Variants in SPAG6 observed in about 807,000 individuals in gnomAD.
SPAG6 encodes sperm associated antigen 6, also known as sperm-associated antigen 6.
SPAG6 carries 49 observed loss-of-function variants against 58.5 expected under a neutral mutation model. The observed-to-expected ratio is 0.84, with a 90% CI of 0.67 to 1.06. The LOEUF is 1.06. SPAG6 is among the 50% of genes least tolerant of loss of function. The pLI, the probability that SPAG6 is intolerant of heterozygous loss-of-function variation, is 0.00. For synonymous variants in SPAG6, 233 were observed against 225.6 expected, an observed-to-expected ratio of 1.03 and a Z score of -0.29; for missense variants, 560 against 611.3, an observed-to-expected ratio of 0.92 and a Z score of 0.89.
At chr10:22,369,112 A>G (rs1336791622) in intron 4 of SPAG6, among the ~76,000 whole-genome samples, 1 of 152,174 alleles carries the variant, frequency 6.6e-6, no homozygotes, top group Admixed American at 6.5e-5. Context: ...CATTCATGAT[A>G]GGGAGTTCCA....
rs559609862 is a variant in SPAG6 at position 22,358,888 on chromosome 10, C to T, written c.122-5965C>T. Among the ~76,000 whole-genome samples the T allele has an allele frequency of 5.9e-5, 9 of 152,234 alleles. No individual in the cohort carries two copies. The East Asian group carries it at 1.5e-3, about 26-fold the overall frequency. ...TTATTTTGTTCTAATCTTCCTAGAA[C>T]TTTAGAAATTTTATCTAATTCTCAC... On this transcript the variant is annotated intron_variant, in intron 2 of 10. Transcript: ENST00000376624.
At position 22,371,542 on chromosome 10, in the gene SPAG6, C is replaced by T. The variant is rs545806607; in HGVS notation, c.472+2864C>T. On this transcript the variant is annotated intron_variant, in intron 4 of 10. Coordinates refer to ENST00000376624, the MANE Select transcript of SPAG6 (RefSeq NM_012443.4). ...GCTGGATTACAGGCGTGAGCTACTG[C>T]GTCCGGCTTTTGTTTGTTTGTTTTG... Among the ~76,000 whole-genome samples, 209 of 152,222 alleles carry T rather than the reference C, an allele frequency of 1.4e-3. 1 individual carries two copies. Among genetic ancestry groups the T allele is most frequent in the African/African-American group, 4.8e-3 (198 of 41,532 alleles).
chr10:22,362,031 TATAG>T (rs1475626855), intron 2 of SPAG6, among the ~76,000 whole-genome samples: 3 of 146,438 alleles, frequency 2.0e-5, no homozygotes, highest in African/African-American at 7.4e-5. Flanking sequence ...TATATAAATA[TATAG>T]ATATATTATT....
chr10:22,354,193 C>G (rs1033466836), intron 2 of SPAG6, among the ~76,000 whole-genome samples: 1 of 152,138 alleles, frequency 6.6e-6, no homozygotes, highest in Non-Finnish European at 1.5e-5. Context: ...GGGATTAAAT[C>G]AGGATCAGGA....
intron 2 of SPAG6, among the ~76,000 whole-genome samples, chr10:22,357,261 T>C (rs980755266): frequency 5.3e-5 from 8 of 152,136 alleles, no homozygotes; most frequent in South Asian, 4.1e-4. Context: ...GTTGTATGTT[T>C]GCAGAGCTCT....
intron 4 of SPAG6, among the ~76,000 whole-genome samples, chr10:22,381,344 A>T (rs1186967362): frequency 5.9e-5 from 9 of 151,714 alleles, no homozygotes; most frequent in African/African-American, 1.7e-4. Context: ...AAAAAAAAAA[A>T]TTGCCAACAC....
Position 22,364,971 on chromosome 10 carries a change from G to A in SPAG6, c.240G>A (p.Val80=). ...ATGATGACCTAGCAGAAGCTGTTGT[G>A]AAGTGCGACATTCTTCCACAGCTTG... is the stretch of plus-strand genomic sequence containing the variant. ...NYNDDLAEAV[V]KCDILPQLVY... Residue 80 remains valine, a synonymous_variant, in exon 3 of 11, where the codon GTG becomes GTA. Transcript: ENST00000376624. 1.2e-6 allele frequency: 2 copies of A among 1,613,114 alleles called. No individual in the cohort carries two copies. The highest frequency in any genetic ancestry group is 1.7e-4 in the Middle Eastern group (1 of 6,060).
At chr10:22,350,407 T>G (rs1010816781) in intron 2 of SPAG6, among the ~76,000 whole-genome samples, 1 of 152,128 alleles carries the variant, frequency 6.6e-6, no homozygotes, top group Non-Finnish European at 1.5e-5. Flanking sequence ...GAGTCAGGGT[T>G]AGGCTCTAAT....
chr10:22,391,095 A>G (rs1834173733), intron 7 of SPAG6, among the ~76,000 whole-genome samples: 3 of 152,254 alleles, frequency 2.0e-5, no homozygotes, highest in Admixed American at 6.5e-5. Context: ...AAATTGAAGC[A>G]TAAGATGCAA....
At chr10:22,346,981 G>GGACATT (rs1564357617) in intron 2 of SPAG6, among the ~76,000 whole-genome samples, 1 of 152,160 alleles carries the variant, frequency 6.6e-6, no homozygotes, top group Non-Finnish European at 1.5e-5. Context: ...ATCACAAGGA[G>GGACATT]GACATTGACA....
At chr10:22,374,602 TAAAA>T (rs764220934) in intron 4 of SPAG6, among the ~76,000 whole-genome samples, 5 of 97,150 alleles carry the variant, frequency 5.1e-5, no homozygotes, top group Non-Finnish European at 4.2e-5. Flanking sequence ...ACCCTGTATG[TAAAA>T]AAAAAAAAAA....
At chr10:22,404,139 A>C (rs1834487251) in intron 9 of SPAG6, among the ~76,000 whole-genome samples, 1 of 124,036 alleles carries the variant, frequency 8.1e-6, no homozygotes, top group Admixed American at 8.4e-5. Context: ...CTTTAGTTTA[A>C]TGAGATCCCA....
chr10:22,388,089 G>A, intron 6 of SPAG6, 93 bp downstream of exon 6: 1 of 1,001,958 alleles, frequency 1.0e-6, no homozygotes, highest in Non-Finnish European at 1.4e-6. Flanking sequence ...AGGGGTTGTG[G>A]CACATGATCT....
At chr10:22,389,102 C>T (rs183050036) in intron 6 of SPAG6, 58 bp from the exon 7 acceptor site, 22 of 1,474,362 alleles carry the variant, frequency 1.5e-5, no homozygotes, top group Non-Finnish European at 2.0e-5. Flanking sequence ...CAATATTAAA[C>T]TGTATTTAAA....
At position 22,389,183 on chromosome 10, in the gene SPAG6, A is replaced by C. The variant is rs989932742; in HGVS notation, c.876A>C (p.Ala292=). ...TPELSQLVVN[A]GGVAAVIDCI... Reference sequence around the variant, plus strand: ...AGCTTTCACAGCTGGTAGTTAACGCAGGAGGGGTTGCTGCCGTGATTGACT... The same window carrying C: ...AGCTTTCACAGCTGGTAGTTAACGCCGGAGGGGTTGCTGCCGTGATTGACT... The change falls in exon 7 of 11, where the codon GCA becomes GCC. Residue 292 remains alanine, a synonymous_variant. Coordinates refer to ENST00000376624, the MANE Select transcript of SPAG6 (RefSeq NM_012443.4). 1.2e-6 allele frequency: 2 copies of C among 1,613,480 alleles called. No homozygotes were observed. Among genetic ancestry groups the C allele is most frequent in the South Asian group, 1.1e-5 (1 of 91,058 alleles).
intron 4 of SPAG6, among the ~76,000 whole-genome samples, chr10:22,374,896 A>G (rs189575849): frequency 6.6e-6 from 1 of 152,368 alleles, no homozygotes; most frequent in Non-Finnish European, 1.5e-5. Flanking sequence ...TGGCGTAGAA[A>G]TAACAGGAGG....
chr10:22,386,012 T>G (rs1834055853), intron 4 of SPAG6, among the ~76,000 whole-genome samples: 1 of 152,204 alleles, frequency 6.6e-6, no homozygotes, highest in African/African-American at 2.4e-5. Context: ...TCCCATTATC[T>G]GTAATTTAAA....
At chr10:22,352,209 ATGTGTG>A (rs370765050) in intron 2 of SPAG6, among the ~76,000 whole-genome samples, 2 of 149,744 alleles carry the variant, frequency 1.3e-5, no homozygotes, top group African/African-American at 4.9e-5. Context: ...GTGTGCGTGT[ATGTGTG>A]TGTGTGTGTG....
intron 2 of SPAG6, among the ~76,000 whole-genome samples, chr10:22,358,190 C>T (rs1352972411): frequency 6.6e-6 from 1 of 152,154 alleles, no homozygotes; most frequent in Admixed American, 6.5e-5. Context: ...AACTAGTTTA[C>T]AGTCCCACCA....
Sources: allele counts gnomAD v4.1 joint callset (sites outside exome capture counted in the v4.1 genomes callset), GRCh38; gene constraint gnomAD v4.1.1; transcripts MANE v1.5; gene names NCBI Gene and HGNC (gene_info 2026-07-23, HGNC 2026-07-21).